The following INPP4B variants were observed in gnomAD, a reference collection of about 807,000 sequenced individuals.
The protein encoded by INPP4B is inositol polyphosphate 4-phosphatase type II.
A neutral mutation model predicts 122.5 loss-of-function variants in INPP4B; 55 were observed. The ratio of observed to expected loss-of-function variants is 0.45; its 90% confidence interval spans 0.36 to 0.56. INPP4B has a LOEUF of 0.56. Ranked by LOEUF, INPP4B falls within the 20% of genes least tolerant of loss-of-function variation. The pLI is 0.00. For missense variants in INPP4B, 1,000 were observed against 1,097.7 expected (o/e 0.91, Z 1.26); for synonymous variants, 403 against 388.7 (o/e 1.04, Z -0.43).
intron 2 of INPP4B, among the ~76,000 whole-genome samples, chr4:142,638,113 TG>T (rs1374696113): frequency 2.6e-5 from 4 of 152,236 alleles, no homozygotes; most frequent in Non-Finnish European, 4.4e-5. Context: ...TCATCAGATT[TG>T]TCTTTTGCAA....
At chr4:142,608,605 G>A (rs1270007663) in intron 2 of INPP4B, among the ~76,000 whole-genome samples, 1 of 151,992 alleles carries the variant, frequency 6.6e-6, no homozygotes, top group Non-Finnish European at 1.5e-5. Flanking sequence ...TTAAATATTT[G>A]TGGACTTCCT....
rs1777569669 is a variant in INPP4B, at chr4:142,798,503, G to A, written c.-254+47706C>T. 2.0e-5 allele frequency among the ~76,000 whole-genome samples: 3 copies of A among 152,034 alleles called. No individual in the cohort carries two copies. In the South Asian group the frequency reaches 6.2e-4, roughly 32 times the overall value. ...CACAGATGTTGGAAGATGGAGTTAA[G>A]TAAATATGTAGGAAAGAGGAGAGGT... On this transcript the variant is annotated intron_variant, in intron 1 of 25. Coordinates refer to ENST00000262992, the MANE Select transcript of INPP4B (RefSeq NM_001101669.3).
At chr4:142,505,335 G>A (rs1392061379) in intron 2 of INPP4B, among the ~76,000 whole-genome samples, 1 of 151,936 alleles carries the variant, frequency 6.6e-6, no homozygotes, top group East Asian at 1.9e-4. Flanking sequence ...TAAAAATGGT[G>A]ATGACTGTTG....
chr4:142,147,864 A>G (rs1394319230), intron 17 of INPP4B, among the ~76,000 whole-genome samples: 1 of 152,188 alleles, frequency 6.6e-6, no homozygotes, highest in Non-Finnish European at 1.5e-5. Context: ...GTCTGAGAAA[A>G]TGGTGTAAAG....
rs866828767 is a variant in INPP4B at position 142,442,433 on chromosome 4, G to A, written c.-126-11048C>T. On this transcript the variant is annotated intron_variant, in intron 3 of 25. Transcript: ENST00000262992. ...TCTCAAAAAAAAAAAAAAAAAAAGA[G>A]AGAGAAGAAAAAAATAAAAAGATGA... Among the ~76,000 whole-genome samples, 69 of 115,522 alleles carry A rather than the reference G, an allele frequency of 6.0e-4. 1 individual carries two copies. In the South Asian group the frequency reaches 0.015, roughly 25 times the overall value. 75.8% of individuals were successfully genotyped at this position (115,522 alleles called of 152,430 possible). A position where few individuals can be genotyped will look rare whatever the true frequency, so the allele number is the denominator to read the frequency against.
chr4:142,442,893 A>C (rs1812127361), intron 3 of INPP4B, among the ~76,000 whole-genome samples: 1 of 152,206 alleles, frequency 6.6e-6, no homozygotes, highest in Non-Finnish European at 1.5e-5. Flanking sequence ...GGTGGAAGGC[A>C]AAGAAGAAAC....
At chr4:142,789,557 A>T (rs1472939193) in intron 1 of INPP4B, among the ~76,000 whole-genome samples, 1 of 152,162 alleles carries the variant, frequency 6.6e-6, no homozygotes, top group East Asian at 1.9e-4. Flanking sequence ...CTTGCAGAAA[A>T]CTACAAAATA....
chr4:142,290,326 C>T (rs1436824328), intron 9 of INPP4B, among the ~76,000 whole-genome samples: 2 of 149,814 alleles, frequency 1.3e-5, no homozygotes, highest in African/African-American at 4.9e-5. Flanking sequence ...CCTGCCTCAG[C>T]CTCCTGAGTA....
intron 2 of INPP4B, among the ~76,000 whole-genome samples, chr4:142,483,364 G>A (rs1272570990): frequency 1.3e-5 from 2 of 151,818 alleles, no homozygotes; most frequent in Non-Finnish European, 2.9e-5. Context: ...AGTAATAGTG[G>A]CAACCAGTTT....
In INPP4B at chr4:142,393,653, C is replaced by T. The variant is rs557550508; in HGVS notation, c.372+9285G>A. The stretch of plus-strand genomic sequence containing the variant: ...CTATATTTGCGTCCTTGTGGATGAA[C>T]TGCAACCACAAGATTGAAAACTTAG... On this transcript the variant is annotated intron_variant, in intron 7 of 25. Coordinates refer to ENST00000262992, the MANE Select transcript of INPP4B (RefSeq NM_001101669.3). 8.8e-4 allele frequency among the ~76,000 whole-genome samples: 134 copies of T among 152,338 alleles called. 1 individual carries two copies. Among genetic ancestry groups the T allele is most frequent in the Non-Finnish European group, 1.6e-3 (109 of 68,034 alleles).
At chr4:142,708,166 T>G (rs1028539152) in intron 2 of INPP4B, among the ~76,000 whole-genome samples, 1 of 152,210 alleles carries the variant, frequency 6.6e-6, no homozygotes, top group Non-Finnish European at 1.5e-5. Context: ...AAGATATGGC[T>G]TGGCTGCTTC....
intron 2 of INPP4B, among the ~76,000 whole-genome samples, chr4:142,679,614 G>A (rs1758305477): frequency 6.6e-6 from 1 of 151,776 alleles, no homozygotes; most frequent in African/African-American, 2.4e-5. Flanking sequence ...GGGGTCACAT[G>A]TGGTTGGCAT....
chr4:142,158,231 T>C (rs1818234810), intron 17 of INPP4B, among the ~76,000 whole-genome samples: 1 of 152,142 alleles, frequency 6.6e-6, no homozygotes, highest in Non-Finnish European at 1.5e-5. Context: ...TCTTGAATGA[T>C]TAACTTATAC....
At chr4:142,356,540 A>T (rs1783672501) in intron 7 of INPP4B, among the ~76,000 whole-genome samples, 1 of 151,780 alleles carries the variant, frequency 6.6e-6, no homozygotes, top group Admixed American at 6.6e-5. Flanking sequence ...GGGAGGATAA[A>T]AGGTTGCTCT....
At chr4:142,314,350 A>G (rs1314162342) in intron 8 of INPP4B, among the ~76,000 whole-genome samples, 2 of 152,100 alleles carry the variant, frequency 1.3e-5, no homozygotes, top group Non-Finnish European at 2.9e-5. Flanking sequence ...CCACAATCCT[A>G]GGGCTGGTTC....
intron 7 of INPP4B, among the ~76,000 whole-genome samples, chr4:142,387,479 T>TAAAA (rs199580064): frequency 8.1e-6 from 1 of 123,730 alleles, no homozygotes; most frequent in Non-Finnish European, 1.7e-5. Context: ...GAAGTGCATT[T>TAAAA]AAAAAAAAAA....
intron 14 of INPP4B, among the ~76,000 whole-genome samples, chr4:142,195,908 G>T (rs190761663): frequency 6.6e-6 from 1 of 152,016 alleles, no homozygotes; most frequent in African/African-American, 2.4e-5. Context: ...TCAGCTTTAC[G>T]GTGAATCTGT....
At chr4:142,616,566 C>T (rs1743749551) in intron 2 of INPP4B, among the ~76,000 whole-genome samples, 1 of 152,096 alleles carries the variant, frequency 6.6e-6, no homozygotes, top group Non-Finnish European at 1.5e-5. Flanking sequence ...AAATTTTAGC[C>T]ATTCTGGTGA....
chr4:142,131,296 G>A (rs1034117161), intron 18 of INPP4B, among the ~76,000 whole-genome samples: 1 of 152,156 alleles, frequency 6.6e-6, no homozygotes, highest in Non-Finnish European at 1.5e-5. Flanking sequence ...CAGCATCTAA[G>A]GTTGAGAAGA....
Sources: allele counts gnomAD v4.1 joint callset (sites outside exome capture counted in the v4.1 genomes callset), GRCh38; gene constraint gnomAD v4.1.1; transcripts MANE v1.5; gene names NCBI Gene and HGNC (gene_info 2026-07-23, HGNC 2026-07-21).